The following DTNB variants were observed in gnomAD, a reference collection of about 807,000 sequenced individuals.
DTNB encodes dystrobrevin beta.
Under a neutral mutation model 90.7 loss-of-function variants are expected in DTNB, and 63 were observed. The ratio of observed to expected loss-of-function variants is 0.69; its 90% confidence interval spans 0.57 to 0.86. The LOEUF (loss-of-function observed/expected upper bound fraction) is 0.86, where lower values mean the gene tolerates loss of function less well. Among genes scored for constraint, DTNB ranks in the 40% least tolerant of loss-of-function variants. The probability of loss-of-function intolerance (pLI) is 0.00; values close to 1 mark genes in which losing one functional copy is unlikely to be tolerated. For missense variants in DTNB, 744 were observed against 807.1 expected, an observed-to-expected ratio of 0.92 and a Z score of 0.95; for synonymous variants, 277 against 286.7, an observed-to-expected ratio of 0.97 and a Z score of 0.34.
At chr2:25,626,304 A>T (rs1349627394) in intron 4 of DTNB, among the ~76,000 whole-genome samples, 1 of 152,170 alleles carries the variant, frequency 6.6e-6, no homozygotes, top group African/African-American at 2.4e-5. Context: ...TGTCATGATA[A>T]GGTGCTGCTT....
chr2:25,418,106 C>G (rs1056119385), intron 16 of DTNB, among the ~76,000 whole-genome samples: 2 of 152,184 alleles, frequency 1.3e-5, no homozygotes, highest in Non-Finnish European at 2.9e-5. Flanking sequence ...GCAATAAACT[C>G]TGTGTGAATA....
intron 4 of DTNB, among the ~76,000 whole-genome samples, chr2:25,608,159 C>T (rs918353847): frequency 1.3e-5 from 2 of 152,122 alleles, no homozygotes. Flanking sequence ...TTTTTAAAAG[C>T]TTGTGTTCAC....
chr2:25,470,771 TA>T (rs2062646608), intron 10 of DTNB, among the ~76,000 whole-genome samples: 1 of 152,188 alleles, frequency 6.6e-6, no homozygotes, highest in East Asian at 1.9e-4. Flanking sequence ...AACAGTACTC[TA>T]AATGCCTGAC....
At chr2:25,622,967 G>A (rs1025799209) in intron 4 of DTNB, among the ~76,000 whole-genome samples, 8 of 152,108 alleles carry the variant, frequency 5.3e-5, no homozygotes, top group Admixed American at 5.2e-4. Flanking sequence ...TCCAGAGGAA[G>A]AACAAATTAA....
chr2:25,573,686 C>T (rs1337077563), intron 8 of DTNB, among the ~76,000 whole-genome samples: 3 of 152,210 alleles, frequency 2.0e-5, no homozygotes, highest in Non-Finnish European at 4.4e-5. Flanking sequence ...CAAATTATCA[C>T]AGATGACACA....
chr2:25,604,523 C>G (rs1397210094), intron 5 of DTNB, among the ~76,000 whole-genome samples: 1 of 152,116 alleles, frequency 6.6e-6, no homozygotes, highest in Non-Finnish European at 1.5e-5. Context: ...CCTCCTGGCT[C>G]AGCTTCCTGA....
At chr2:25,482,080 G>A (rs930529571) in intron 10 of DTNB, among the ~76,000 whole-genome samples, 1 of 152,206 alleles carries the variant, frequency 6.6e-6, no homozygotes, top group African/African-American at 2.4e-5. Flanking sequence ...TTGTTTCTGA[G>A]TGATGACTGT....
intron 4 of DTNB, among the ~76,000 whole-genome samples, chr2:25,611,677 T>C (rs553936481): frequency 6.6e-6 from 1 of 152,278 alleles, no homozygotes. Flanking sequence ...TCCTATCGAC[T>C]TCTAAAGTGA....
chr2:25,442,117 A>C (rs1558541005), intron 12 of DTNB, among the ~76,000 whole-genome samples: 3 of 152,222 alleles, frequency 2.0e-5, no homozygotes, highest in Non-Finnish European at 4.4e-5. Context: ...AGTCTTTTCT[A>C]GTTCAACGTT....
At chr2:25,577,987 T>C (rs1215059484) in intron 7 of DTNB, among the ~76,000 whole-genome samples, 2 of 151,734 alleles carry the variant, frequency 1.3e-5, no homozygotes, top group East Asian at 1.9e-4. Flanking sequence ...GCAACAAGGG[T>C]GAAACTCCAT....
At chr2:25,520,228 A>G (rs1270819650) in intron 9 of DTNB, among the ~76,000 whole-genome samples, 3 of 152,130 alleles carry the variant, frequency 2.0e-5, no homozygotes, top group Non-Finnish European at 4.4e-5. Context: ...CTAAACATAC[A>G]AAAATTAGCC....
At chr2:25,516,442 G>A (rs1003799450) in intron 9 of DTNB, among the ~76,000 whole-genome samples, 2 of 151,844 alleles carry the variant, frequency 1.3e-5, no homozygotes, top group Admixed American at 6.6e-5. Flanking sequence ...AAGTAGAGAC[G>A]GGGTTTTGCC....
chr2:25,560,657 G>C (rs2058116955), intron 8 of DTNB, among the ~76,000 whole-genome samples: 1 of 152,208 alleles, frequency 6.6e-6, no homozygotes, highest in South Asian at 2.1e-4. Context: ...TCACCCCGCA[G>C]ATCTTGGGAC....
At chr2:25,432,519 C>A (rs113777573) in intron 14 of DTNB, among the ~76,000 whole-genome samples, 3 of 152,222 alleles carry the variant, frequency 2.0e-5, no homozygotes, top group Non-Finnish European at 2.9e-5. Flanking sequence ...AATATACTCA[C>A]AGCAAAGGCA....
chr2:25,523,897 CTTTTTTTTTTTTT>C lies in DTNB; in HGVS notation c.1001+7563_1001+7575del, dbSNP rs869167435. ...AATGGAAGTAACTTGGTCATCTGTA[CTTTTTTTTTTTTT>C]TTTTTTTTGAGACAGAGTTTCCCTC... On this transcript the variant is annotated intron_variant, in intron 9 of 20. Transcript: ENST00000406818. Among the ~76,000 whole-genome samples the C allele has an allele frequency of 2.6e-5, 3 of 115,862 alleles. No homozygotes were observed. In the Admixed American group the frequency reaches 2.6e-4, roughly 10 times the overall value. The allele number at this position is 115,862 out of a possible 152,430, so 76.0% of individuals were successfully genotyped here.
chr2:25,421,624 G>A (rs2049735155), intron 15 of DTNB, among the ~76,000 whole-genome samples: 1 of 152,248 alleles, frequency 6.6e-6, no homozygotes, highest in Non-Finnish European at 1.5e-5. Flanking sequence ...AGTGGAAAGT[G>A]CGATGGTTGG....
intron 1 of DTNB, among the ~76,000 whole-genome samples, chr2:25,669,979 A>G (rs1056956912): frequency 6.6e-6 from 1 of 152,102 alleles, no homozygotes; most frequent in Non-Finnish European, 1.5e-5. Context: ...AAGCAGCAAC[A>G]TGGTTATAGC....
intron 8 of DTNB, 45 bp downstream of exon 8, chr2:25,576,793 A>G: frequency 6.4e-7 from 1 of 1,552,968 alleles, no homozygotes. Flanking sequence ...TTACTGATCA[A>G]ACAGATTAAC....
At chr2:25,635,392 A>G (rs182889039) in intron 3 of DTNB, among the ~76,000 whole-genome samples, 2 of 152,282 alleles carry the variant, frequency 1.3e-5, no homozygotes, top group African/African-American at 2.4e-5. Flanking sequence ...GCGCCACTGC[A>G]CTCCAGCCTG....
Sources: gnomAD v4.1 joint callset for allele counts (sites outside exome capture counted in the v4.1 genomes callset) on GRCh38, gnomAD v4.1.1 for gene constraint, MANE v1.5 for transcripts, NCBI Gene and HGNC (gene_info 2026-07-23, HGNC 2026-07-21) for gene names.